Variants in PGLS observed in about 807,000 individuals in gnomAD.
PGLS encodes 6-phosphogluconolactonase.
In PGLS, 21 loss-of-function variants were observed where a neutral mutation model predicts 23.2. The observed-to-expected ratio is 0.91, with a 90% confidence interval of 0.64 to 1.31. The LOEUF (loss-of-function observed/expected upper bound fraction) is 1.31. Among genes scored for constraint, PGLS ranks in the 50% most tolerant of loss-of-function variants. The probability of loss-of-function intolerance (pLI) is 0.00; values close to 1 mark genes in which losing one functional copy is unlikely to be tolerated. For synonymous variants in PGLS, 179 were observed against 165.4 expected (o/e 1.08, Z -0.63); for missense variants, 410 against 354.0 (o/e 1.16, Z -1.27).
intron 4 of PGLS, among the ~76,000 whole-genome samples, chr19:17,519,970 A>G (rs975035491): frequency 3.3e-5 from 5 of 152,030 alleles, no homozygotes; most frequent in African/African-American, 1.2e-4. Flanking sequence ...TCTTGGCAAC[A>G]TAGCAAGACC....
intron 4 of PGLS, chr19:17,518,473 T>C (rs1436084109): frequency 1.3e-5 from 2 of 152,178 alleles, no homozygotes; most frequent in African/African-American, 4.8e-5. Context: ...GTTGCCTTCA[T>C]TGAAAAGACC....
In PGLS at chr19:17,516,289, C is replaced by T. The variant is rs774138793; in HGVS notation, c.396+9C>T. The T allele has an allele frequency of 3.7e-5, 59 of 1,611,676 alleles. No homozygotes were observed. In the East Asian group the frequency reaches 6.7e-4, roughly 18 times the overall value. ...CCAAGAAGCTGAGACAGGTGAGCCC[C>T]GAGGAGCGGCCGCAAGGGAGTCACA... On this transcript the variant is annotated intron_variant, in intron 2 of 4. Transcript: ENST00000252603.
chr19:17,517,263 A>C, intron 2 of PGLS, 25 bp from the exon 3 acceptor site: 1 of 1,517,088 alleles, frequency 6.6e-7, no homozygotes, highest in Non-Finnish European at 9.2e-7. Context: ...ACAACCTCTC[A>C]AGGCTGTCTT....
At chr19:17,512,339 C>T (rs933511459) in intron 1 of PGLS, 7 of 279,444 alleles carry the variant, frequency 2.5e-5, no homozygotes, top group South Asian at 2.2e-4. Context: ...CTCACTGCGC[C>T]CTCTGCCTTT....
intron 1 of PGLS, chr19:17,512,305 C>T (rs1451205692): frequency 6.5e-4 from 231 of 355,792 alleles, no homozygotes; most frequent in Non-Finnish European, 9.3e-5. Flanking sequence ...TCCTGAACCC[C>T]GCCTACAGTG....
intron 4 of PGLS, chr19:17,520,570 A>G (rs1395272725): frequency 6.4e-6 from 1 of 156,054 alleles, no homozygotes; most frequent in Admixed American, 6.6e-5. Flanking sequence ...AAAAAAAAAA[A>G]AAAAAAAAAA....
At chr19:17,517,037 A>G (rs1481474296) in intron 2 of PGLS, among the ~76,000 whole-genome samples, 1 of 151,492 alleles carries the variant, frequency 6.6e-6, no homozygotes, top group African/African-American at 2.4e-5. Flanking sequence ...GGTGCCTGCC[A>G]CCACGCCTGG....
chr19:17,520,470 CG>C (rs2075551982), intron 4 of PGLS: 1 of 145,278 alleles, frequency 6.9e-6, no homozygotes, highest in African/African-American at 2.5e-5. Context: ...TGCTTGAAAC[CG>C]GGAGGCGGAA....
intron 2 of PGLS, 73 bp from the exon 3 acceptor site, chr19:17,517,215 T>C: frequency 1.1e-6 from 1 of 908,818 alleles, no homozygotes; most frequent in Non-Finnish European, 1.8e-6. Context: ...CTGACAACTG[T>C]TTCTGTGTCC....
At chr19:17,514,615 C>T (rs1473607754) in intron 1 of PGLS, among the ~76,000 whole-genome samples, 4 of 152,068 alleles carry the variant, frequency 2.6e-5, no homozygotes, top group African/African-American at 9.7e-5. Context: ...CCTCAGCCTC[C>T]TCAGTAGCTG....
At chr19:17,512,122 C>T (rs1032343176) in intron 1 of PGLS, 162 bp downstream of exon 1, 4 of 737,090 alleles carry the variant, frequency 5.4e-6, no homozygotes, top group African/African-American at 1.9e-5. Flanking sequence ...GGGCCGTGCC[C>T]ACTGCCTGCA....
At chr19:17,514,327 A>T (rs570224705) in intron 1 of PGLS, among the ~76,000 whole-genome samples, 3 of 152,004 alleles carry the variant, frequency 2.0e-5, no homozygotes, top group Non-Finnish European at 4.4e-5. Flanking sequence ...CTCATCTTAT[A>T]TAAGGACGCC....
At chr19:17,520,646 G>A (rs191141311) in intron 4 of PGLS, 152 of 208,014 alleles carry the variant, frequency 7.3e-4, no homozygotes, top group African/African-American at 3.4e-3. Flanking sequence ...CAGAAGAATC[G>A]CTTGAAACCG....
At chr19:17,512,262 C>T (rs2075512361) in intron 1 of PGLS, 3 of 431,984 alleles carry the variant, frequency 6.9e-6, no homozygotes, top group South Asian at 2.9e-5. Flanking sequence ...CTACGGGGGC[C>T]GCTGGGGGTC....
At chr19:17,515,444 T>C (rs2075528035) in intron 1 of PGLS, among the ~76,000 whole-genome samples, 1 of 152,050 alleles carries the variant, frequency 6.6e-6, no homozygotes, top group Non-Finnish European at 1.5e-5. Context: ...TGCAGCTTTC[T>C]CCTTGATCCA....
At chr19:17,516,348 G>T (rs561469677) in intron 2 of PGLS, 68 bp downstream of exon 2, 1 of 1,550,744 alleles carries the variant, frequency 6.4e-7, no homozygotes, top group Admixed American at 1.9e-5. Flanking sequence ...GCAACAGAGC[G>T]GCCTTCTGAT....
chr19:17,520,477 C>G (rs568426210), intron 4 of PGLS: 1 of 137,032 alleles, frequency 7.3e-6, no homozygotes, highest in Non-Finnish European at 1.5e-5. Context: ...AACCGGGAGG[C>G]GGAAGTTGCA....
chr19:17,514,600 C>T (rs151174995), intron 1 of PGLS, among the ~76,000 whole-genome samples: 2,621 of 151,840 alleles, frequency 0.017, 77 homozygotes, highest in African/African-American at 0.059. Flanking sequence ...CTATCAATCC[C>T]CCTGCCTCAG....
intron 1 of PGLS, among the ~76,000 whole-genome samples, chr19:17,515,363 G>A (rs1465591): frequency 2.0e-5 from 3 of 152,078 alleles, no homozygotes; most frequent in African/African-American, 2.4e-5. Flanking sequence ...GCACAAACAC[G>A]AGGCACCGAG....
Sources: gnomAD v4.1 joint callset for allele counts (sites outside exome capture counted in the v4.1 genomes callset) on GRCh38, gnomAD v4.1.1 for gene constraint, MANE v1.5 for transcripts, NCBI Gene and HGNC (gene_info 2026-07-23, HGNC 2026-07-21) for gene names.